The following MOB3A variants were observed in gnomAD, a reference collection of about 807,000 sequenced individuals.
MOB3A encodes MOB LAK.
A neutral mutation model predicts 17.8 loss-of-function variants in MOB3A; 17 were observed. That is an observed-to-expected ratio of 0.95 (90% CI 0.65 to 1.43). The LOEUF (loss-of-function observed/expected upper bound fraction) is 1.43. MOB3A is among the 40% of genes most tolerant of loss of function. MOB3A has a pLI of 0.00. For missense variants in MOB3A, 333 were observed against 310.8 expected, an observed-to-expected ratio of 1.07 and a Z score of -0.54; for synonymous variants, 124 against 133.2, an observed-to-expected ratio of 0.93 and a Z score of 0.48.
At chr19:2,094,428 CCAGGCCTGGAA>C (rs2017647057) in intron 1 of MOB3A, among the ~76,000 whole-genome samples, 1 of 152,162 alleles carries the variant, frequency 6.6e-6, no homozygotes. Flanking sequence ...GAAAGCAAGA[CCAGGCCTGGAA>C]AGGAAGTGAA....
chr19:2,090,887 C>A (rs555834106), intron 1 of MOB3A, among the ~76,000 whole-genome samples: 39 of 152,356 alleles, frequency 2.6e-4, no homozygotes, highest in Non-Finnish European at 4.9e-4. Context: ...TGGTCTCGAT[C>A]TCCTGACCTC....
Position 2,072,439 on chromosome 19 carries a change from C to A in MOB3A, c.*956G>T, listed in dbSNP as rs1599399382. 1 of 151,280 alleles carries A rather than the reference C, an allele frequency of 6.6e-6. No homozygotes were observed. The highest frequency in any genetic ancestry group is 2.1e-4 in the South Asian group (1 of 4,792). The allele number at this position is 151,280 out of a possible 1,614,324, so 9.4% of individuals were successfully genotyped here. ...CTGGGCGACAGTGGGAGACTCCGTT[C>A]AAAAAAAATAAAAATCTCAAGATGG... On this transcript the variant is annotated 3_prime_UTR_variant, in exon 5 of 5. Coordinates refer to ENST00000357066, the MANE Select transcript of MOB3A (RefSeq NM_130807.3).
intron 4 of MOB3A, 49 bp downstream of exon 4, chr19:2,076,762 G>C (rs768608116): frequency 6.3e-7 from 1 of 1,586,700 alleles, no homozygotes; most frequent in East Asian, 2.3e-5. Flanking sequence ...TCTGCCACGG[G>C]CCACCAGCCC....
At chr19:2,083,965 T>G (rs2144928858) in intron 2 of MOB3A, 3 of 284,470 alleles carry the variant, frequency 1.1e-5, no homozygotes, top group South Asian at 7.6e-5. Context: ...AGAGATAGGG[T>G]CTCACTACAT....
rs1292093492 is a variant in MOB3A, at chr19:2,082,408, T to G, written c.-120+2767A>C. ...GTGCCCAGACATCACCCAGTGTCCC[T>G]TTGGGTTAAGATTAGATCGCCCTGG... is the stretch of plus-strand genomic sequence containing the variant. On this transcript the variant is annotated intron_variant, in intron 2 of 4. Coordinates refer to ENST00000357066, the MANE Select transcript of MOB3A (RefSeq NM_130807.3). This position sits in a 1 kb window ranked among gnomAD's most constrained non-coding sequence, Gnocchi z 4.1. Among the ~76,000 whole-genome samples, 1 of 152,154 alleles carries G rather than the reference T, an allele frequency of 6.6e-6. No homozygotes were observed. Among genetic ancestry groups the G allele is most frequent in the Admixed American group, 6.5e-5 (1 of 15,280 alleles).
At chr19:2,094,673 C>T (rs2017650952) in intron 1 of MOB3A, among the ~76,000 whole-genome samples, 1 of 152,216 alleles carries the variant, frequency 6.6e-6, no homozygotes, top group Non-Finnish European at 1.5e-5. Context: ...CTTGGGACCA[C>T]GGCCTAGAGG....
Position 2,073,169 on chromosome 19 carries a change from G to C in MOB3A, c.*226C>G. The stretch of plus-strand genomic sequence containing the variant: ...GTTGCTAGTAACACATAGAATTACA[G>C]AGTTCACGTTTTAGTCCCAGACGGG... On this transcript the variant is annotated 3_prime_UTR_variant, in exon 5 of 5. Coordinates refer to ENST00000357066, the MANE Select transcript of MOB3A (RefSeq NM_130807.3). The C allele has an allele frequency of 1.6e-6, 1 of 614,704 alleles. No individual in the cohort carries two copies. Among genetic ancestry groups the C allele is most frequent in the East Asian group, 2.7e-5 (1 of 37,116 alleles). The allele number at this position is 614,704 out of a possible 1,614,324, so 38.1% of individuals were successfully genotyped here.
At chr19:2,076,713 G>A in intron 4 of MOB3A, 98 bp downstream of exon 4, 1 of 1,292,858 alleles carries the variant, frequency 7.7e-7, no homozygotes. Context: ...CTGCTGGGCC[G>A]ACCGCAAGCA....
At chr19:2,088,526 G>A (rs944467227) in intron 1 of MOB3A, among the ~76,000 whole-genome samples, 2 of 152,072 alleles carry the variant, frequency 1.3e-5, no homozygotes, top group Admixed American at 1.3e-4. Flanking sequence ...GGAGTGCAGT[G>A]GTGCGATCTT....
rs1480336996 is a variant in MOB3A, at chr19:2,082,868, G to A, written c.-120+2307C>T. On this transcript the variant is annotated intron_variant, in intron 2 of 4. Transcript: ENST00000357066. The surrounding 1 kb of genome is among the most constrained non-coding windows in gnomAD (Gnocchi z 4.1). ...GCTCTGCTGCTCAGGCTAGAGTGCA[G>A]TGGCAGGATCATGGCTCACACTTCA... 6.6e-6 allele frequency among the ~76,000 whole-genome samples: 1 copy of A among 152,196 alleles called. No homozygotes were observed. Among genetic ancestry groups the A allele is most frequent in the African/African-American group, 2.4e-5 (1 of 41,450 alleles).
intron 1 of MOB3A, among the ~76,000 whole-genome samples, chr19:2,091,573 G>A (rs1367236257): frequency 6.6e-6 from 1 of 151,584 alleles, no homozygotes; most frequent in Non-Finnish European, 1.5e-5. Flanking sequence ...TGGTAGAGAC[G>A]GGGTTCCACC....
At chr19:2,091,312 G>A (rs1207144012) in intron 1 of MOB3A, among the ~76,000 whole-genome samples, 1 of 152,168 alleles carries the variant, frequency 6.6e-6, no homozygotes, top group Admixed American at 6.5e-5. Context: ...TGAGACACAG[G>A]CTCTGACACG....
At chr19:2,084,744 C>G (rs2017531601) in intron 2 of MOB3A, among the ~76,000 whole-genome samples, 1 of 151,942 alleles carries the variant, frequency 6.6e-6, no homozygotes, top group African/African-American at 2.4e-5. Flanking sequence ...GCGCCCGCCA[C>G]CACACCCAGC....
intron 1 of MOB3A, among the ~76,000 whole-genome samples, chr19:2,091,273 A>T (rs2017610704): frequency 6.6e-6 from 1 of 152,184 alleles, no homozygotes; most frequent in Admixed American, 6.5e-5. Flanking sequence ...GTAACCCAGG[A>T]CGGCCCGGCC....
At chr19:2,081,567 G>A (rs778081447) in intron 2 of MOB3A, among the ~76,000 whole-genome samples, 1 of 149,990 alleles carries the variant, frequency 6.7e-6, no homozygotes, top group East Asian at 2.0e-4. Flanking sequence ...CAGCCTGGGC[G>A]ACAGAGCGAG....
intron 1 of MOB3A, among the ~76,000 whole-genome samples, chr19:2,088,715 GC>G (rs1274905720): frequency 6.6e-6 from 1 of 151,934 alleles, no homozygotes; most frequent in Admixed American, 6.6e-5. Context: ...TGATCCGCCC[GC>G]CTCGACCTCC....
chr19:2,083,330 G>T (rs561657793), intron 2 of MOB3A, among the ~76,000 whole-genome samples: 169 of 152,282 alleles, frequency 1.1e-3, no homozygotes, highest in African/African-American at 4.0e-3. Flanking sequence ...GAGGCCCTTC[G>T]CCAGTGACAG....
Position 2,071,692 on chromosome 19 carries a change from C to T in MOB3A, c.*1703G>A, listed in dbSNP as rs768015995. ...ACACAGAACTCATGGATTTTGGTCT[C>T]GCAGCCCCAGGGGCCACACAGAAAA... On this transcript the variant is annotated 3_prime_UTR_variant, in exon 5 of 5. Coordinates refer to ENST00000357066, the MANE Select transcript of MOB3A (RefSeq NM_130807.3). The T allele has an allele frequency of 6.6e-6, 1 of 152,204 alleles. No homozygotes were observed. Among genetic ancestry groups the T allele is most frequent in the Non-Finnish European group, 1.5e-5 (1 of 68,096 alleles). The allele number at this position is 152,204 out of a possible 1,614,324, so 9.4% of individuals were successfully genotyped here.
chr19:2,092,087 T>TTG (rs1181524432), intron 1 of MOB3A, among the ~76,000 whole-genome samples: 18 of 149,882 alleles, frequency 1.2e-4, no homozygotes, highest in African/African-American at 4.2e-4. Context: ...GAAAGGTTTT[T>TTG]TTTTTTTTTT....
Sources: allele counts gnomAD v4.1 joint callset (sites outside exome capture counted in the v4.1 genomes callset), GRCh38; gene constraint gnomAD v4.1.1; non-coding constraint Gnocchi (gnomAD v3.1); transcripts MANE v1.5; gene names NCBI Gene and HGNC (gene_info 2026-07-23, HGNC 2026-07-21).